The following SLC17A7 variants were observed in gnomAD, a reference collection of about 807,000 sequenced individuals.
The protein encoded by SLC17A7 is solute carrier family 17 member 7, also known as vesicular glutamate transporter 1.
SLC17A7 carries 15 observed loss-of-function variants against 59.1 expected under a neutral mutation model. The observed-to-expected ratio is 0.25, with a 90% CI of 0.17 to 0.39. SLC17A7 has a LOEUF of 0.39. Among genes scored for constraint, SLC17A7 ranks in the 10% least tolerant of loss-of-function variants. The pLI, the probability that SLC17A7 is intolerant of heterozygous loss-of-function variation, is 1.00. For synonymous variants in SLC17A7, 353 were observed against 308.9 expected, an observed-to-expected ratio of 1.14 and a Z score of -1.50; for missense variants, 499 against 765.1, an observed-to-expected ratio of 0.65 and a Z score of 4.10.
chr19:49,433,078 C>T lies in SLC17A7; in HGVS notation c.868-118G>A, dbSNP rs2078967090. 2 of 1,124,012 alleles carry T rather than the reference C, an allele frequency of 1.8e-6. No individual in the cohort carries two copies. The highest frequency in any genetic ancestry group is 2.5e-6 in the Non-Finnish European group (2 of 791,668). The allele number at this position is 1,124,012 out of a possible 1,614,324, so 69.6% of individuals were successfully genotyped here. On this transcript the variant is annotated intron_variant, in intron 7 of 11. Transcript: ENST00000221485. This position sits in a 1 kb window ranked among gnomAD's most constrained non-coding sequence, Gnocchi z 5.7. ...CCAAAGGATCCCGACCGCACTGAAACTTCTATGGACCCAAAGGCGCGGGCT... is the reference window on the plus strand; with the variant it reads ...CCAAAGGATCCCGACCGCACTGAAATTTCTATGGACCCAAAGGCGCGGGCT...
intron 1 of SLC17A7, 95 bp downstream of exon 1, chr19:49,441,223 G>T: frequency 2.0e-6 from 3 of 1,536,934 alleles, no homozygotes; most frequent in South Asian, 1.2e-5. Flanking sequence ...CCATGCCGGG[G>T]TATCGCCCGT....
In SLC17A7 at chr19:49,432,373, C is replaced by T. The variant is rs1257954174; in HGVS notation, c.1150+146G>A. Reference sequence around the variant, plus strand: ...CCAGGCCTGCCCTGCCCCGGCTCCACCCTGTTGGCCACGGCCCTTTGCATA... The same window carrying T: ...CCAGGCCTGCCCTGCCCCGGCTCCATCCTGTTGGCCACGGCCCTTTGCATA... On this transcript the variant is annotated intron_variant, in intron 9 of 11. Transcript: ENST00000221485. 1.5e-5 allele frequency: 17 copies of T among 1,165,050 alleles called. No individual in the cohort carries two copies. In the African/African-American group the frequency reaches 2.6e-4, roughly 18 times the overall value. The allele number at this position is 1,165,050 out of a possible 1,614,324, so 72.2% of individuals were successfully genotyped here. A position where few individuals can be genotyped will look rare whatever the true frequency, so the allele number is the denominator to read the frequency against.
Position 49,431,148 on chromosome 19 carries a change from G to A in SLC17A7, c.1262-6C>T, listed in dbSNP as rs758635682. On this transcript the variant is annotated splice_region_variant and splice_polypyrimidine_tract_variant and intron_variant, in intron 10 of 11. Transcript: ENST00000221485. This position sits in a 1 kb window ranked among gnomAD's most constrained non-coding sequence, Gnocchi z 4.6. The stretch of plus-strand genomic sequence containing the variant: ...CAGGTGGTTCACGTTGAACCCTGGC[G>A]GAGAGACAAGTCGGAAGGCGTCACA... The A allele has an allele frequency of 7.4e-6, 12 of 1,611,566 alleles. No homozygotes were observed. The South Asian group carries it at 1.2e-4, about 16-fold the overall frequency.
intron 1 of SLC17A7, chr19:49,437,609 G>C (rs1017750806): frequency 1.3e-5 from 2 of 152,594 alleles, no homozygotes; most frequent in Admixed American, 6.6e-5. Context: ...CCCAGAGAGA[G>C]GGGGTCACAG....
In SLC17A7 at chr19:49,430,531, G is replaced by A; in HGVS notation, c.1671C>T (p.Val557=). The A allele has an allele frequency of 4.4e-6, 7 of 1,578,318 alleles. No homozygotes were observed. The highest frequency in any genetic ancestry group is 6.0e-6 in the Non-Finnish European group (7 of 1,161,384). ...TFQPPRPPPP[V]RDY The stretch of plus-strand genomic sequence containing the variant: ...GGGAGGCACATGGTCAGTAGTCCCG[G>A]ACAGGGGGTGGGGGCCTGGGGGGCT... Residue 557 remains valine, a synonymous_variant, in exon 12 of 12, where the codon GTC becomes GTT. Transcript: ENST00000221485.
In SLC17A7 at chr19:49,429,923, A is replaced by C. The variant is rs1004422797; in HGVS notation, c.*596T>G. The stretch of plus-strand genomic sequence containing the variant: ...TTGAGAAATTTGGTGCTTTCGCAGA[A>C]TCTGCTGGTAGGGGAGATGTGAAGT... On this transcript the variant is annotated 3_prime_UTR_variant, in exon 12 of 12. Transcript: ENST00000221485. 1.9e-5 allele frequency: 4 copies of C among 215,386 alleles called. No individual in the cohort carries two copies. The allele number at this position is 215,386 out of a possible 1,614,324, so 13.3% of individuals were successfully genotyped here.
chr19:49,436,956 GC>G lies in SLC17A7; in HGVS notation c.63-156del. On this transcript the variant is annotated intron_variant, in intron 1 of 11. Transcript: ENST00000221485. The surrounding 1 kb of genome is among the most constrained non-coding windows in gnomAD (Gnocchi z 4.1). ...AGAGTCCAGGTCCCTGGCTCCCTTC[GC>G]CCCCCTGATCCAGAAATCCTCCATC... The G allele has an allele frequency of 2.7e-6, 3 of 1,119,562 alleles. No individual in the cohort carries two copies. The highest frequency in any genetic ancestry group is 3.0e-4 in the Middle Eastern group (1 of 3,312). 69.4% of individuals were successfully genotyped at this position (1,119,562 alleles called of 1,614,324 possible).
Position 49,433,801 on chromosome 19 carries a change from G to A in SLC17A7, c.792C>T (p.Pro264=). The A allele has an allele frequency of 6.2e-7, 1 of 1,613,962 alleles. No homozygotes were observed. The highest frequency in any genetic ancestry group is 8.5e-7 in the Non-Finnish European group (1 of 1,179,952). The change falls in exon 7 of 12, where the codon CCC becomes CCT. Residue 264 remains proline, a synonymous_variant. Coordinates refer to ENST00000221485, the MANE Select transcript of SLC17A7 (RefSeq NM_020309.4). This position sits in a 1 kb window ranked among gnomAD's most constrained non-coding sequence, Gnocchi z 5.7. ...ACTTGCGCTCCTCCTCCGAGATGCT[G>A]GGGTGCAGCGCGGGGGACTCGTAGG... The part of the protein sequence containing the change: ...LVSYESPALH[P]SISEEERKYI...
Position 49,433,992 on chromosome 19 carries a change from T to C in SLC17A7, c.692A>G (p.Tyr231Cys). 1.9e-6 allele frequency: 3 copies of C among 1,613,208 alleles called. No individual in the cohort carries two copies. The highest frequency in any genetic ancestry group is 2.5e-6 in the Non-Finnish European group (3 of 1,179,838). ...AMPLAGVLVQ[Y>C]SGWSSVFYVY... ...GTAGAAAACAGAGCTCCATCCTGAG[T>C]ACTGCACAAGGACCCCGGCGAGGGG... Residue 231 changes from tyrosine (Y) to cysteine (C), a missense_variant, in exon 6 of 12, where the codon TAC becomes TGC. Physicochemically the swap from Tyr to Cys is radical, Grantham distance 194 (BLOSUM62 -2). This residue lies in a region of SLC17A7 where 323 missense variants were observed against 607.2 expected (regional missense o/e 0.53). Coordinates refer to ENST00000221485, the MANE Select transcript of SLC17A7 (RefSeq NM_020309.4). This position sits in a 1 kb window ranked among gnomAD's most constrained non-coding sequence, Gnocchi z 5.7.
chr19:49,437,159 T>G, intron 1 of SLC17A7: 1 of 341,628 alleles, frequency 2.9e-6, no homozygotes. Flanking sequence ...TCCAGCCGCC[T>G]CTCCCGGATA....
intron 1 of SLC17A7, among the ~76,000 whole-genome samples, chr19:49,438,471 G>T (rs1034243144): frequency 6.6e-6 from 1 of 152,036 alleles, no homozygotes; most frequent in Non-Finnish European, 1.5e-5. Flanking sequence ...AGACTGGGAC[G>T]GGGGAGGAAG....
chr19:49,436,664 A>T lies in SLC17A7; in HGVS notation c.200T>A (p.Ile67Asn). ...FGLPRRYIIA[I>N]MSGLGFCISF... ...GATGCAGAAGCCCAGACCACTCATG[A>T]TGGCGATAATGTAGCGGCGAGGGAG... The change falls in exon 2 of 12, where the codon ATC becomes AAC. Residue 67 changes from isoleucine (I) to asparagine (N), a missense_variant. Ile to Asn is a moderately radical substitution (Grantham distance 149, BLOSUM62 -3). This residue lies in a region of SLC17A7 where 323 missense variants were observed against 607.2 expected (regional missense o/e 0.53). Coordinates refer to ENST00000221485, the MANE Select transcript of SLC17A7 (RefSeq NM_020309.4). This position sits in a 1 kb window ranked among gnomAD's most constrained non-coding sequence, Gnocchi z 4.1. The T allele has an allele frequency of 6.2e-7, 1 of 1,613,998 alleles. No individual in the cohort carries two copies. The highest frequency in any genetic ancestry group is 8.5e-7 in the Non-Finnish European group (1 of 1,179,970).
In SLC17A7 at chr19:49,433,196, C is replaced by T; in HGVS notation, c.868-236G>A. The T allele has an allele frequency of 1.8e-6, 1 of 562,414 alleles. No homozygotes were observed. Among genetic ancestry groups the T allele is most frequent in the Non-Finnish European group, 3.1e-6 (1 of 319,716 alleles). The allele number at this position is 562,414 out of a possible 1,614,324, so 34.8% of individuals were successfully genotyped here. A position where few individuals can be genotyped will look rare whatever the true frequency, so the allele number is the denominator to read the frequency against. ...TGGCCCTATGGTAGCCTCTCAGGTC[C>T]GCAGGTGTCCGGGCCCCTCAGGGAC... is the stretch of plus-strand genomic sequence containing the variant. On this transcript the variant is annotated intron_variant, in intron 7 of 11. Transcript: ENST00000221485. This position sits in a 1 kb window ranked among gnomAD's most constrained non-coding sequence, Gnocchi z 5.7.
chr19:49,430,455 C>G lies in SLC17A7; in HGVS notation c.*64G>C. On this transcript the variant is annotated 3_prime_UTR_variant, in exon 12 of 12. Coordinates refer to ENST00000221485, the MANE Select transcript of SLC17A7 (RefSeq NM_020309.4). ...GAGGAGCAGGGTTCCTTGACACTGTCACTCAGGCCAGAGATGAGTGGAATG... is the reference window on the plus strand; with the variant it reads ...GAGGAGCAGGGTTCCTTGACACTGTGACTCAGGCCAGAGATGAGTGGAATG... 3 of 1,220,066 alleles carry G rather than the reference C, an allele frequency of 2.5e-6. No homozygotes were observed. The South Asian group carries it at 4.4e-5, about 18-fold the overall frequency. The allele number at this position is 1,220,066 out of a possible 1,614,324, so 75.6% of individuals were successfully genotyped here.
At chr19:49,435,035 C>G (rs1348625430) in intron 3 of SLC17A7, 133 bp downstream of exon 3, 3 of 1,022,176 alleles carry the variant, frequency 2.9e-6, no homozygotes, top group Non-Finnish European at 3.0e-6. Flanking sequence ...CAAGCCCCAC[C>G]TTTCTCTAAG....
Position 49,434,402 on chromosome 19 carries a change from C to G in SLC17A7, c.637+200G>C, listed in dbSNP as rs545883304. Among the ~76,000 whole-genome samples, 4 of 151,362 alleles carry G rather than the reference C, an allele frequency of 2.6e-5. No individual in the cohort carries two copies. The East Asian group carries it at 7.8e-4, about 30-fold the overall frequency. On this transcript the variant is annotated intron_variant, in intron 5 of 11. Transcript: ENST00000221485. ...CCCTCAGACCCAAGAGTCCAGGCCC[C>G]CAGCCCCTCCTCTCTCAGACCCAGG...
At chr19:49,435,939 G>C (rs1003445723) in intron 2 of SLC17A7, 2 of 154,140 alleles carry the variant, frequency 1.3e-5, no homozygotes, top group African/African-American at 4.8e-5. Flanking sequence ...GCCGGCGCAC[G>C]CCTGTAGTCC....
Position 49,436,398 on chromosome 19 carries a change from T to C in SLC17A7, c.315+151A>G. 2 of 1,065,560 alleles carry C rather than the reference T, an allele frequency of 1.9e-6. No individual in the cohort carries two copies. Among genetic ancestry groups the C allele is most frequent in the Admixed American group, 2.5e-5 (1 of 39,884 alleles). The allele number at this position is 1,065,560 out of a possible 1,614,324, so 66.0% of individuals were successfully genotyped here. On this transcript the variant is annotated intron_variant, in intron 2 of 11. Coordinates refer to ENST00000221485, the MANE Select transcript of SLC17A7 (RefSeq NM_020309.4). This position sits in a 1 kb window ranked among gnomAD's most constrained non-coding sequence, Gnocchi z 4.1. ...GCGGCCCCTAAGGCGAGGTCAGAAC[T>C]AAGGGGCGCACGGATTGGGCGGAGC...
In SLC17A7 at chr19:49,436,541, T is replaced by C. The variant is rs1174634452; in HGVS notation, c.315+8A>G. On this transcript the variant is annotated splice_region_variant and intron_variant, in intron 2 of 11. Transcript: ENST00000221485. The surrounding 1 kb of genome is among the most constrained non-coding windows in gnomAD (Gnocchi z 4.1). Reference sequence around the variant, plus strand: ...CGGGGCTCTGCAAGGGCTCAGGCCTTGAGCTACCTGCACCACCACGTGGCC... The same window carrying C: ...CGGGGCTCTGCAAGGGCTCAGGCCTCGAGCTACCTGCACCACCACGTGGCC... The C allele has an allele frequency of 6.2e-6, 10 of 1,611,894 alleles. No homozygotes were observed. The highest frequency in any genetic ancestry group is 8.5e-6 in the Non-Finnish European group (10 of 1,179,724).
Sources: allele counts gnomAD v4.1 joint callset (sites outside exome capture counted in the v4.1 genomes callset), GRCh38; gene constraint gnomAD v4.1.1; regional missense constraint gnomAD v4.1.1; non-coding constraint Gnocchi (gnomAD v3.1); transcripts MANE v1.5; gene names NCBI Gene and HGNC (gene_info 2026-07-23, HGNC 2026-07-21).